The following RNF157 variants were observed in gnomAD, a reference collection of about 807,000 sequenced individuals.
The protein encoded by RNF157 is ring finger protein 157, also known as E3 ubiquitin ligase RNF157.
Under a neutral mutation model 88.3 loss-of-function variants are expected in RNF157, and 55 were observed. The ratio of observed to expected loss-of-function variants is 0.62; its 90% CI spans 0.50 to 0.78. The LOEUF (loss-of-function observed/expected upper bound fraction) is 0.78. RNF157 is among the 30% of genes least tolerant of loss of function. The pLI, the probability that RNF157 is intolerant of heterozygous loss-of-function variation, is 0.00. For missense variants in RNF157, 788 were observed against 860.8 expected (o/e 0.92, Z 1.06); for synonymous variants, 334 against 341.2 (o/e 0.98, Z 0.23).
In RNF157 at chr17:76,154,551, A is replaced by T. The variant is rs189546525; in HGVS notation, c.1765-223T>A. ...GGATTAGATCCGAGCCACATTACCC[A>T]TATATGCTCAGAATGGTCTGTCAGG... On this transcript the variant is annotated intron_variant, in intron 16 of 18. Coordinates refer to ENST00000269391, the MANE Select transcript of RNF157 (RefSeq NM_052916.3). 3.7e-5 allele frequency: 20 copies of T among 543,240 alleles called. No homozygotes were observed. In the East Asian group the frequency reaches 5.6e-4, roughly 15 times the overall value. 33.7% of individuals were successfully genotyped at this position (543,240 alleles called of 1,614,324 possible).
At chr17:76,174,193 C>G (rs1300782814) in intron 2 of RNF157, among the ~76,000 whole-genome samples, 1 of 152,138 alleles carries the variant, frequency 6.6e-6, no homozygotes, top group African/African-American at 2.4e-5. Flanking sequence ...AAGCCCTTTC[C>G]TTCGGTGAGG....
intron 1 of RNF157, among the ~76,000 whole-genome samples, chr17:76,234,158 T>G (rs1349126213): frequency 6.6e-6 from 1 of 152,228 alleles, no homozygotes; most frequent in Non-Finnish European, 1.5e-5. Context: ...CTGGCTTATT[T>G]CACTGAGTAT....
intron 2 of RNF157, among the ~76,000 whole-genome samples, chr17:76,177,602 C>A (rs1345884397): frequency 1.3e-5 from 2 of 152,022 alleles, no homozygotes. Context: ...GGGGGCCTGG[C>A]TGCCAGTCCC....
At chr17:76,180,179 C>G (rs1270867537) in intron 2 of RNF157, among the ~76,000 whole-genome samples, 1 of 152,180 alleles carries the variant, frequency 6.6e-6, no homozygotes, top group Non-Finnish European at 1.5e-5. Flanking sequence ...AGGTATCATT[C>G]TGGAGTAAAT....
chr17:76,158,263 C>T, intron 13 of RNF157, 130 bp downstream of exon 13: 1 of 688,586 alleles, frequency 1.5e-6, no homozygotes, highest in Non-Finnish European at 2.6e-6. Flanking sequence ...GAAACCTTTG[C>T]CACTGCCTCA....
At chr17:76,162,458 C>A in intron 9 of RNF157, 94 bp downstream of exon 9, 1 of 858,456 alleles carries the variant, frequency 1.2e-6, no homozygotes, top group Admixed American at 2.0e-5. Flanking sequence ...TAACTGATTT[C>A]AGAGTTTGGC....
At chr17:76,150,223 A>G (rs1411493500) in intron 18 of RNF157, among the ~76,000 whole-genome samples, 3 of 152,042 alleles carry the variant, frequency 2.0e-5, no homozygotes, top group African/African-American at 7.2e-5. Context: ...GACACTTAAC[A>G]TGCCTATACC....
intron 18 of RNF157, among the ~76,000 whole-genome samples, chr17:76,148,340 C>G (rs1317535724): frequency 6.7e-6 from 1 of 148,988 alleles, no homozygotes; most frequent in African/African-American, 2.5e-5. Flanking sequence ...GACCTCGGCT[C>G]ACTGCAAGCT....
intron 1 of RNF157, among the ~76,000 whole-genome samples, chr17:76,220,546 CG>C (rs922201115): frequency 6.6e-6 from 1 of 152,006 alleles, no homozygotes; most frequent in African/African-American, 2.4e-5. Flanking sequence ...GAGGGGAGGC[CG>C]GGTACCATGG....
intron 1 of RNF157, among the ~76,000 whole-genome samples, chr17:76,220,568 TA>T (rs2069964309): frequency 6.6e-6 from 1 of 152,072 alleles, no homozygotes; most frequent in South Asian, 2.1e-4. Flanking sequence ...CTCACACCTG[TA>T]ATCCCAGCAC....
chr17:76,150,147 T>G (rs1227589443), intron 18 of RNF157, among the ~76,000 whole-genome samples: 3 of 151,912 alleles, frequency 2.0e-5, no homozygotes, highest in Non-Finnish European at 2.9e-5. Context: ...ATATTTTTTT[T>G]CTTGGAAAAT....
chr17:76,149,433 G>A (rs1489921719), intron 18 of RNF157, among the ~76,000 whole-genome samples: 1 of 152,002 alleles, frequency 6.6e-6, no homozygotes, highest in African/African-American at 2.4e-5. Flanking sequence ...GAGAGAGCTG[G>A]CCACAGGAGC....
At chr17:76,173,570 C>G in intron 3 of RNF157, 132 bp downstream of exon 3, 2 of 669,088 alleles carry the variant, frequency 3.0e-6, no homozygotes. Context: ...GCACTCCTGT[C>G]TGAGGCCCAG....
At position 76,159,628 on chromosome 17, in the gene RNF157, C is replaced by T. The variant is rs1034734842; in HGVS notation, c.1066-55G>A. ...TAATTAGGTCCTTTTTGTTTTATGACGTGATCATGCTACTTCTCTACACTG... is the reference window on the plus strand; with the variant it reads ...TAATTAGGTCCTTTTTGTTTTATGATGTGATCATGCTACTTCTCTACACTG... On this transcript the variant is annotated intron_variant, in intron 11 of 18. Coordinates refer to ENST00000269391, the MANE Select transcript of RNF157 (RefSeq NM_052916.3). 1.4e-4 allele frequency: 177 copies of T among 1,256,168 alleles called. 1 individual carries two copies. The Middle Eastern group carries it at 1.9e-3, about 14-fold the overall frequency. 77.8% of individuals were successfully genotyped at this position (1,256,168 alleles called of 1,614,324 possible).
At chr17:76,223,536 G>A (rs2145055226) in intron 1 of RNF157, among the ~76,000 whole-genome samples, 1 of 152,146 alleles carries the variant, frequency 6.6e-6, no homozygotes, top group East Asian at 1.9e-4. Flanking sequence ...TTCCTGTACT[G>A]TAATAGGAAA....
chr17:76,148,165 C>CT (rs1427804964), intron 18 of RNF157, among the ~76,000 whole-genome samples: 2 of 151,656 alleles, frequency 1.3e-5, no homozygotes, highest in African/African-American at 4.8e-5. Flanking sequence ...CTCCACAAAC[C>CT]TTTTTAGATT....
chr17:76,214,141 TG>T (rs2069849370), intron 1 of RNF157, among the ~76,000 whole-genome samples: 1 of 152,086 alleles, frequency 6.6e-6, no homozygotes, highest in Non-Finnish European at 1.5e-5. Flanking sequence ...GCATCAGAAG[TG>T]GGGGGCAGTC....
chr17:76,214,818 C>T (rs908105907), intron 1 of RNF157, among the ~76,000 whole-genome samples: 14 of 152,132 alleles, frequency 9.2e-5, no homozygotes, highest in Non-Finnish European at 4.4e-5. Context: ...TCAGCCTCAT[C>T]CGGACAAACC....
rs985428358 is a variant in RNF157, at chr17:76,195,014, C to CA, written c.207+17349dup. Among the ~76,000 whole-genome samples the CA allele has an allele frequency of 6.6e-6, 1 of 150,892 alleles. No homozygotes were observed. The highest frequency in any genetic ancestry group is 2.4e-5 in the African/African-American group (1 of 41,038). On this transcript the variant is annotated intron_variant, in intron 2 of 18. Transcript: ENST00000269391. This position sits in a 1 kb window ranked among gnomAD's most constrained non-coding sequence, Gnocchi z 4.4. Reference sequence around the variant, plus strand: ...TGGGTGACAGAGCGAGACTCTGTCTCAAAAAAACAAAACAAAACACAAGAG... The same window carrying CA: ...TGGGTGACAGAGCGAGACTCTGTCTCAAAAAAAACAAAACAAAACACAAGAG...
Sources: gnomAD v4.1 joint callset for allele counts (sites outside exome capture counted in the v4.1 genomes callset) on GRCh38, gnomAD v4.1.1 for gene constraint, Gnocchi (gnomAD v3.1) non-coding constraint, MANE v1.5 for transcripts, NCBI Gene and HGNC (gene_info 2026-07-23, HGNC 2026-07-21) for gene names.